Variants in CTNNA3 observed in about 807,000 individuals in gnomAD.
The protein encoded by CTNNA3 is catenin alpha 3.
Under a neutral mutation model 95.7 loss-of-function variants are expected in CTNNA3, and 76 were observed. That is an observed-to-expected ratio of 0.79 (90% confidence interval 0.66 to 0.96). The LOEUF (loss-of-function observed/expected upper bound fraction) is 0.96, where lower values mean the gene tolerates loss of function less well. CTNNA3 is among the 40% of genes least tolerant of loss of function. CTNNA3 has a pLI of 0.00. For synonymous variants in CTNNA3, 431 were observed against 374.4 expected (o/e 1.15, Z -1.74); for missense variants, 1,191 against 1,089.8 (o/e 1.09, Z -1.31).
At chr10:67,358,355 A>G (rs1306184628) in intron 5 of CTNNA3, among the ~76,000 whole-genome samples, 1 of 152,198 alleles carries the variant, frequency 6.6e-6, no homozygotes, top group Non-Finnish European at 1.5e-5. Context: ...ATGGCCAACT[A>G]GACACAGCCA....
intron 5 of CTNNA3, among the ~76,000 whole-genome samples, chr10:67,505,783 G>T (rs939539138): frequency 1.3e-5 from 2 of 152,112 alleles, no homozygotes; most frequent in Non-Finnish European, 2.9e-5. Context: ...GGCTCATACA[G>T]CTCTTTTAGA....
intron 9 of CTNNA3, among the ~76,000 whole-genome samples, chr10:66,671,638 G>A (rs1384009560): frequency 2.0e-5 from 3 of 152,154 alleles, no homozygotes; most frequent in Non-Finnish European, 4.4e-5. Flanking sequence ...ACCTCCACAT[G>A]AGTGGCAACA....
chr10:66,506,612 T>C (rs1840458968), intron 11 of CTNNA3, among the ~76,000 whole-genome samples: 2 of 152,204 alleles, frequency 1.3e-5, no homozygotes, highest in Non-Finnish European at 2.9e-5. Flanking sequence ...GAAATCTGAT[T>C]CATATACACC....
chr10:66,791,645 TAA>T, intron 7 of CTNNA3, among the ~76,000 whole-genome samples: 1 of 152,310 alleles, frequency 6.6e-6, no homozygotes, highest in Admixed American at 6.5e-5. Flanking sequence ...GGAAGAGGAA[TAA>T]ATCTGCTTTT....
intron 7 of CTNNA3, among the ~76,000 whole-genome samples, chr10:67,107,905 T>C (rs1033727690): frequency 6.6e-6 from 1 of 152,168 alleles, no homozygotes; most frequent in African/African-American, 2.4e-5. Context: ...CAGGAAGTGC[T>C]CTAGCAGGGA....
chr10:66,277,239 C>T (rs1457655416), intron 13 of CTNNA3, among the ~76,000 whole-genome samples: 1 of 151,926 alleles, frequency 6.6e-6, no homozygotes, highest in Non-Finnish European at 1.5e-5. Context: ...CTATAAAATG[C>T]CAAGTTCTGA....
At chr10:66,375,589 C>CAAAAA (rs35007442) in intron 12 of CTNNA3, among the ~76,000 whole-genome samples, 5 of 139,126 alleles carry the variant, frequency 3.6e-5, no homozygotes, top group African/African-American at 7.8e-5. Flanking sequence ...GCTGCAATGC[C>CAAAAA]AAAAAAAAAA....
At chr10:67,546,708 A>T (rs945077280) in intron 3 of CTNNA3, among the ~76,000 whole-genome samples, 2 of 152,178 alleles carry the variant, frequency 1.3e-5, no homozygotes, top group African/African-American at 4.8e-5. Flanking sequence ...CTGATATGCC[A>T]CCCACCAATA....
At chr10:65,989,614 A>G (rs2078497739) in intron 15 of CTNNA3, among the ~76,000 whole-genome samples, 1 of 150,580 alleles carries the variant, frequency 6.6e-6, no homozygotes, top group Non-Finnish European at 1.5e-5. Flanking sequence ...TTTATGGGGT[A>G]CATGTATTAT....
At chr10:67,139,816 G>A (rs570559801) in intron 7 of CTNNA3, among the ~76,000 whole-genome samples, 19 of 152,240 alleles carry the variant, frequency 1.2e-4, no homozygotes, top group African/African-American at 3.1e-4. Flanking sequence ...ATAAAACAGC[G>A]TATCATTATG....
intron 13 of CTNNA3, among the ~76,000 whole-genome samples, chr10:66,156,214 C>G (rs1470494648): frequency 6.6e-6 from 1 of 151,810 alleles, no homozygotes; most frequent in African/African-American, 2.4e-5. Context: ...AGACTTGGAG[C>G]TGAAGAAGCT....
At chr10:67,301,634 G>A (rs1364248768) in intron 5 of CTNNA3, among the ~76,000 whole-genome samples, 1 of 136,700 alleles carries the variant, frequency 7.3e-6, no homozygotes, top group Non-Finnish European at 1.5e-5. Flanking sequence ...AAGAAAAAGT[G>A]GTATATATAT....
intron 12 of CTNNA3, among the ~76,000 whole-genome samples, chr10:66,365,432 T>C (rs1037573046): frequency 6.6e-6 from 1 of 152,138 alleles, no homozygotes; most frequent in African/African-American, 2.4e-5. Flanking sequence ...AAATACCTAA[T>C]GTAAGTGTTG....
rs1245893734 is a variant in CTNNA3 at position 66,895,937 on chromosome 10, AAC to A, written c.1048-120415_1048-120414del. Among the ~76,000 whole-genome samples the A allele has an allele frequency of 3.4e-5, 5 of 146,196 alleles. No homozygotes were observed. In the East Asian group the frequency reaches 6.1e-4, roughly 18 times the overall value. ...TACAAAAAAAAAAAAAAAAAAAAAG[AAC>A]ACACAGAATTAGCTGGGCATGGTGG... On this transcript the variant is annotated intron_variant, in intron 7 of 17. Coordinates refer to ENST00000433211, the MANE Select transcript of CTNNA3 (RefSeq NM_013266.4).
intron 7 of CTNNA3, among the ~76,000 whole-genome samples, chr10:67,063,121 C>T (rs193044417): frequency 5.1e-4 from 78 of 152,232 alleles, no homozygotes; most frequent in Non-Finnish European, 1.1e-3. Context: ...CCAATAAGAA[C>T]TCATTATCAG....
intron 15 of CTNNA3, among the ~76,000 whole-genome samples, chr10:66,045,107 A>T (rs978652854): frequency 3.3e-5 from 5 of 152,214 alleles, no homozygotes; most frequent in African/African-American, 4.8e-5. Context: ...AGATTCAATG[A>T]CAGAGATAAT....
chr10:67,020,019 T>A (rs1008224259), intron 7 of CTNNA3, among the ~76,000 whole-genome samples: 1 of 151,926 alleles, frequency 6.6e-6, no homozygotes, highest in Non-Finnish European at 1.5e-5. Context: ...CAATATCAAC[T>A]GCTTTCCCTC....
At chr10:66,742,313 A>G (rs112295774) in intron 9 of CTNNA3, among the ~76,000 whole-genome samples, 109 of 152,226 alleles carry the variant, frequency 7.2e-4, no homozygotes, top group African/African-American at 2.6e-3. Context: ...CCGCCTAATA[A>G]ATTTTGGTCA....
intron 7 of CTNNA3, among the ~76,000 whole-genome samples, chr10:67,066,035 A>T (rs1331977134): frequency 6.6e-6 from 1 of 152,010 alleles, no homozygotes; most frequent in Non-Finnish European, 1.5e-5. Context: ...CATTTTAGAG[A>T]ACTGATGATC....
Sources: allele counts gnomAD v4.1 joint callset (sites outside exome capture counted in the v4.1 genomes callset), GRCh38; gene constraint gnomAD v4.1.1; transcripts MANE v1.5; gene names NCBI Gene and HGNC (gene_info 2026-07-23, HGNC 2026-07-21).